The following PCDHA8 variants were observed in gnomAD, a reference collection of about 807,000 sequenced individuals.
PCDHA8 encodes the protein protocadherin alpha 8.
A neutral mutation model predicts 61.8 loss-of-function variants in PCDHA8; 53 were observed. That is an observed-to-expected ratio of 0.86 (90% confidence interval 0.69 to 1.08). The LOEUF is 1.08. PCDHA8 is among the 50% of genes least tolerant of loss of function. The probability of loss-of-function intolerance (pLI) is 0.00; values close to 1 mark genes in which losing one functional copy is unlikely to be tolerated. For missense variants in PCDHA8, 1,293 were observed against 1,245.0 expected (o/e 1.04, Z -0.58); for synonymous variants, 618 against 556.6 (o/e 1.11, Z -1.55).
chr5:140,895,920 C>T (rs1347672044), intron 1 of PCDHA8, among the ~76,000 whole-genome samples: 1 of 152,202 alleles, frequency 6.6e-6, no homozygotes, highest in African/African-American at 2.4e-5. Flanking sequence ...CAACAATTAT[C>T]CTGCCTCAGC....
At position 140,858,811 on chromosome 5, in the gene PCDHA8, T is replaced by A. The variant is rs2045603382; in HGVS notation, c.2394+15096T>A. The A allele has an allele frequency of 1.4e-5, 5 of 354,112 alleles. No homozygotes were observed. The South Asian group carries it at 1.7e-4, about 12-fold the overall frequency. The allele number at this position is 354,112 out of a possible 1,614,324, so 21.9% of individuals were successfully genotyped here. A position where few individuals can be genotyped will look rare whatever the true frequency, so the allele number is the denominator to read the frequency against. ...TTTCATTTCCAATCTAAATTTTGAT[T>A]TGATTGTATTTGCATTACCAAAAAA... On this transcript the variant is annotated intron_variant, in intron 1 of 3. Transcript: ENST00000531613.
intron 1 of PCDHA8, chr5:140,926,774 A>G: frequency 7.2e-7 from 1 of 1,380,760 alleles, no homozygotes; most frequent in Non-Finnish European, 9.4e-7. Flanking sequence ...AGCCCGCAGC[A>G]GTGACGGCCG....
rs2150355650 is a variant in PCDHA8 at position 140,843,239 on chromosome 5, G to A, written c.1918G>A (p.Ala640Thr). 1.4e-4 allele frequency: 219 copies of A among 1,595,896 alleles called. 23 individuals carry two copies. Among genetic ancestry groups the A allele is most frequent in the Non-Finnish European group, 1.8e-4 (209 of 1,165,556 alleles). Residue 640 changes from alanine to threonine, a missense_variant, in exon 1 of 4, where the codon GCG (alanine) becomes ACG (threonine). By Grantham distance (58) the Ala-to-Thr change is moderately conservative. Coordinates refer to ENST00000531613, the MANE Select transcript of PCDHA8 (RefSeq NM_018911.3). The part of the protein sequence containing the change: ...EISTTRVLDE[A>T]DSPRHRLLVL... ...CAGCACCACTCGTGTCCTGGACGAA[G>A]CGGACTCTCCGCGCCACCGTCTGCT... is the stretch of plus-strand genomic sequence containing the variant.
At chr5:140,860,381 A>C (rs550712376) in intron 1 of PCDHA8, 4 of 152,246 alleles carry the variant, frequency 2.6e-5, no homozygotes, top group African/African-American at 9.6e-5. Context: ...ACCCTATTTC[A>C]AAAATTGAAA....
intron 1 of PCDHA8, among the ~76,000 whole-genome samples, chr5:140,893,506 A>AT (rs1270469461): frequency 6.6e-6 from 1 of 152,170 alleles, no homozygotes; most frequent in African/African-American, 2.4e-5. Context: ...AGAAAAAAAA[A>AT]GCAGTTGTAG....
chr5:140,869,798 T>A (rs782748267), intron 1 of PCDHA8: 2 of 1,612,730 alleles, frequency 1.2e-6, no homozygotes. Flanking sequence ...TTAGTCCAAG[T>A]CTTGGATGTC....
At chr5:140,928,928 C>T in intron 1 of PCDHA8, 3 of 1,614,130 alleles carry the variant, frequency 1.9e-6, no homozygotes, top group Non-Finnish European at 2.5e-6. Context: ...CAGCTTTCTG[C>T]CCAGAACTTG....
At chr5:140,917,327 G>T (rs1219338384) in intron 1 of PCDHA8, among the ~76,000 whole-genome samples, 1 of 149,420 alleles carries the variant, frequency 6.7e-6, no homozygotes, top group Non-Finnish European at 1.5e-5. Context: ...CATGTGGCGG[G>T]GGAGGGGGGG....
intron 1 of PCDHA8, among the ~76,000 whole-genome samples, chr5:140,925,706 T>C (rs371734955): frequency 2.0e-5 from 3 of 151,422 alleles, no homozygotes; most frequent in Admixed American, 6.6e-5. Context: ...AGCCTATTCT[T>C]ATCCTGCCTC....
chr5:140,904,857 T>G (rs1223482596), intron 1 of PCDHA8, among the ~76,000 whole-genome samples: 1 of 152,190 alleles, frequency 6.6e-6, no homozygotes, highest in Non-Finnish European at 1.5e-5. Context: ...CTGAGAATTG[T>G]CTGTTTATGT....
chr5:140,889,120 T>G (rs1335268200), intron 1 of PCDHA8, among the ~76,000 whole-genome samples: 1 of 151,966 alleles, frequency 6.6e-6, no homozygotes, highest in Non-Finnish European at 1.5e-5. Context: ...CAGGTGATAC[T>G]GATATGTCCT....
intron 1 of PCDHA8, among the ~76,000 whole-genome samples, chr5:140,921,801 A>T (rs1450383901): frequency 6.6e-6 from 1 of 152,286 alleles, no homozygotes. Context: ...ATAACACAAG[A>T]TAAGATACAT....
chr5:140,981,687 A>T (rs1283182396), intron 2 of PCDHA8, among the ~76,000 whole-genome samples: 1 of 151,972 alleles, frequency 6.6e-6, no homozygotes, highest in Non-Finnish European at 1.5e-5. Flanking sequence ...CCTCCCTTCC[A>T]TCATTCATTC....
intron 1 of PCDHA8, among the ~76,000 whole-genome samples, chr5:140,922,046 A>C (rs1388720677): frequency 6.6e-6 from 1 of 152,150 alleles, no homozygotes; most frequent in Non-Finnish European, 1.5e-5. Flanking sequence ...TTTCCCACAT[A>C]CCTTCAAAAT....
chr5:140,977,681 A>G (rs1363970729), intron 1 of PCDHA8, among the ~76,000 whole-genome samples: 2 of 152,208 alleles, frequency 1.3e-5, no homozygotes, highest in African/African-American at 4.8e-5. Context: ...AATATCATGT[A>G]GCCATCCAGA....
chr5:140,858,610 T>G, intron 1 of PCDHA8: 1 of 1,234,746 alleles, frequency 8.1e-7, no homozygotes, highest in Non-Finnish European at 1.1e-6. Flanking sequence ...TAAAATTTTT[T>G]TATCCTACCC....
rs2150461190 is a variant in PCDHA8 at position 140,849,977 on chromosome 5, G to C, written c.2394+6262G>C. On this transcript the variant is annotated intron_variant, in intron 1 of 3. Coordinates refer to ENST00000531613, the MANE Select transcript of PCDHA8 (RefSeq NM_018911.3). ...AGAACGCCCTGGTGTCCTACTCGCT[G>C]GTGGAGCGGCGGTTGGGCGAGCGCT... 2.2e-5 allele frequency: 35 copies of C among 1,597,540 alleles called. 4 individuals are homozygous for C. The highest frequency in any genetic ancestry group is 3.0e-5 in the Non-Finnish European group (35 of 1,167,900).
chr5:141,009,706 C>G lies in PCDHA8; in HGVS notation c.2622C>G (p.Gly874=). Reference sequence around the variant, plus strand: ...GCTGGACCTTTAAATACGGACCAGGCAACCCCAAACAATCCGGTCCCGGTG... The same window carrying G: ...GCTGGACCTTTAAATACGGACCAGGGAACCCCAAACAATCCGGTCCCGGTG... ...SNSWTFKYGP[G]NPKQSGPGEL... The change falls in exon 4 of 4, where the codon GGC becomes GGG. Residue 874 remains glycine, a synonymous_variant. Transcript: ENST00000531613. 1 of 1,614,118 alleles carries G rather than the reference C, an allele frequency of 6.2e-7. No homozygotes were observed. Among genetic ancestry groups the G allele is most frequent in the Non-Finnish European group, 8.5e-7 (1 of 1,180,020 alleles).
rs781863441 is a variant in PCDHA8 at position 140,858,454 on chromosome 5, C to A, written c.2394+14739C>A. The A allele has an allele frequency of 2.0e-6, 3 of 1,529,822 alleles. No homozygotes were observed. The South Asian group carries it at 3.6e-5, about 18-fold the overall frequency. The allele number at this position is 1,529,822 out of a possible 1,614,324, so 94.8% of individuals were successfully genotyped here. On this transcript the variant is annotated intron_variant, in intron 1 of 3. Coordinates refer to ENST00000531613, the MANE Select transcript of PCDHA8 (RefSeq NM_018911.3). ...CTAGGAAGGTGGGTTATTACGTTTT[C>A]ATTTTCCTTTTGTGCTTTATGAATA...
Sources: allele counts gnomAD v4.1 joint callset (sites outside exome capture counted in the v4.1 genomes callset), GRCh38; gene constraint gnomAD v4.1.1; transcripts MANE v1.5; gene names NCBI Gene and HGNC (gene_info 2026-07-23, HGNC 2026-07-21).